The following CEP126 variants were observed in gnomAD, a reference collection of about 807,000 sequenced individuals.
CEP126 encodes centrosomal protein 126, also known as centrosomal protein of 126 kDa.
CEP126 carries 74 observed loss-of-function variants against 107.8 expected under a neutral mutation model. The observed-to-expected ratio is 0.69, with a 90% CI of 0.57 to 0.83. CEP126 has a LOEUF of 0.83. Ranked by LOEUF, CEP126 falls within the 40% of genes least tolerant of loss-of-function variation. The pLI is 0.00. For synonymous variants in CEP126, 449 were observed against 446.0 expected (o/e 1.01, Z -0.08); for missense variants, 1,237 against 1,281.9 (o/e 0.96, Z 0.53).
chr11:101,945,235 C>T (rs527365903), intron 3 of CEP126, among the ~76,000 whole-genome samples: 1 of 152,184 alleles, frequency 6.6e-6, no homozygotes, highest in South Asian at 2.1e-4. Context: ...TGACTTAAGT[C>T]GGATCTTAAC....
chr11:101,959,986 C>G (rs555768463), intron 5 of CEP126, among the ~76,000 whole-genome samples: 5 of 152,148 alleles, frequency 3.3e-5, no homozygotes, highest in African/African-American at 1.2e-4. Context: ...TTTAAAGAAA[C>G]CATCGCTGGA....
chr11:101,915,307 C>T lies in CEP126; in HGVS notation c.23C>T (p.Thr8Ile). The T allele has an allele frequency of 6.2e-7, 1 of 1,613,640 alleles. No individual in the cohort carries two copies. Among genetic ancestry groups the T allele is most frequent in the Non-Finnish European group, 8.5e-7 (1 of 1,179,932 alleles). ...AGGATGCTGGCGGGGAGGCCCGGAACCCGGAGCGCGGTCGGGGAACTGGGC... is the reference window on the plus strand; with the variant it reads ...AGGATGCTGGCGGGGAGGCCCGGAATCCGGAGCGCGGTCGGGGAACTGGGC... MLAGRPG[T>I]RSAVGELGTE... Residue 8 changes from threonine (T) to isoleucine (I), a missense_variant, in exon 1 of 11, where the codon ACC (threonine) becomes ATC (isoleucine). This residue lies in a region of CEP126 where 1,134 missense variants were observed against 1,150.5 expected (regional missense o/e 0.99). Coordinates refer to ENST00000263468, the MANE Select transcript of CEP126 (RefSeq NM_020802.4).
At chr11:101,932,550 ATAT>A (rs1940516505) in intron 2 of CEP126, among the ~76,000 whole-genome samples, 6 of 152,146 alleles carry the variant, frequency 3.9e-5, no homozygotes. Flanking sequence ...TCATTGCCAA[ATAT>A]TGCTGAATTG....
chr11:101,978,393 A>T lies in CEP126; in HGVS notation c.2892A>T (p.Arg964Ser). 6.2e-7 allele frequency: 1 copy of T among 1,613,736 alleles called. No individual in the cohort carries two copies. The highest frequency in any genetic ancestry group is 2.2e-5 in the East Asian group (1 of 44,788). Residue 964 changes from arginine (R) to serine (S), a missense_variant, in exon 7 of 11, where the codon AGA (arginine) becomes AGT (serine). By Grantham distance (110) the Arg-to-Ser change is moderately radical. Coordinates refer to ENST00000263468, the MANE Select transcript of CEP126 (RefSeq NM_020802.4). The stretch of plus-strand genomic sequence containing the variant: ...AACGAATTGCTGAAACTAAGCGGAG[A>T]AATATTTTAGAGCAGAAAAGACAAA... ...RRKRIAETKR[R>S]NILEQKRQNP...
At chr11:101,960,247 A>T (rs1940953556) in intron 5 of CEP126, among the ~76,000 whole-genome samples, 1 of 151,958 alleles carries the variant, frequency 6.6e-6, no homozygotes, top group African/African-American at 2.4e-5. Flanking sequence ...AATCTGAAGA[A>T]AAAAAAAGTA....
At chr11:101,932,006 A>G (rs776365241) in intron 2 of CEP126, among the ~76,000 whole-genome samples, 23 of 152,242 alleles carry the variant, frequency 1.5e-4, no homozygotes, top group Non-Finnish European at 3.2e-4. Context: ...AGACCCTTCG[A>G]AAGTTGCTAA....
intron 6 of CEP126, among the ~76,000 whole-genome samples, chr11:101,975,510 C>T (rs1424213485): frequency 5.9e-5 from 9 of 152,196 alleles, no homozygotes; most frequent in Admixed American, 5.9e-4. Flanking sequence ...AGCTTTGCCC[C>T]TTACTGGCTC....
rs754887245 is a variant in CEP126, at chr11:101,962,493, T to G, written c.1458T>G (p.Asp486Glu). The G allele has an allele frequency of 2.5e-5, 41 of 1,612,974 alleles. No individual in the cohort carries two copies. The South Asian group carries it at 4.5e-4, about 18-fold the overall frequency. The change falls in exon 6 of 11, where the codon GAT becomes GAG. Residue 486 changes from aspartate to glutamate, a missense_variant. Coordinates refer to ENST00000263468, the MANE Select transcript of CEP126 (RefSeq NM_020802.4). Reference sequence around the variant, plus strand: ...ACAGTATACACATAAAAGAAATTGATGCAGTGCAGTGTTCTGATAAGTTAG... The same window carrying G: ...ACAGTATACACATAAAAGAAATTGAGGCAGTGCAGTGTTCTGATAAGTTAG... ...AKNSIHIKEI[D>E]AVQCSDKLDE...
In CEP126 at chr11:101,963,736, C is replaced by G; in HGVS notation, c.2701C>G (p.Gln901Glu). The G allele has an allele frequency of 6.2e-7, 1 of 1,613,998 alleles. No homozygotes were observed. The highest frequency in any genetic ancestry group is 1.1e-5 in the South Asian group (1 of 91,080). Residue 901 changes from glutamine to glutamate, a missense_variant, in exon 6 of 11, where the codon CAA becomes GAA. Transcript: ENST00000263468. ...HSNGTQAVARQDATLYCTQRS... is the reference protein window; with the variant it reads ...HSNGTQAVAREDATLYCTQRS... The stretch of plus-strand genomic sequence containing the variant: ...AAATGGCACTCAAGCAGTTGCCCGG[C>G]AAGATGCGACATTATATTGCACCCA...
chr11:101,953,897 T>C (rs1246862423), intron 4 of CEP126, among the ~76,000 whole-genome samples: 1 of 152,156 alleles, frequency 6.6e-6, no homozygotes, highest in Non-Finnish European at 1.5e-5. Context: ...TTTAGACTAA[T>C]TTTAAAAATT....
chr11:101,920,342 C>A lies in CEP126; in HGVS notation c.129-2299C>A, dbSNP rs963156014. On this transcript the variant is annotated intron_variant, in intron 1 of 10. Coordinates refer to ENST00000263468, the MANE Select transcript of CEP126 (RefSeq NM_020802.4). ...ACATGTTGAATTAACAAATTATGTA[C>A]CGCATAGTTTATTATTGAGTGTATT... Among the ~76,000 whole-genome samples the A allele has an allele frequency of 2.0e-5, 3 of 152,146 alleles. No homozygotes were observed. In the South Asian group the frequency reaches 6.2e-4, roughly 32 times the overall value.
intron 3 of CEP126, among the ~76,000 whole-genome samples, chr11:101,946,609 C>A (rs1940740249): frequency 6.6e-6 from 1 of 151,940 alleles, no homozygotes; most frequent in Non-Finnish European, 1.5e-5. Flanking sequence ...ACCTGTAATC[C>A]CAGCACTTTG....
chr11:101,930,861 T>G (rs1419157146), intron 2 of CEP126, among the ~76,000 whole-genome samples: 1 of 152,196 alleles, frequency 6.6e-6, no homozygotes, highest in Non-Finnish European at 1.5e-5. Context: ...TGGTTGAATC[T>G]GTAGATATGG....
chr11:101,993,957 G>A (rs1941414306), intron 10 of CEP126, among the ~76,000 whole-genome samples: 1 of 152,138 alleles, frequency 6.6e-6, no homozygotes. Context: ...TATTAGGCCA[G>A]GCATGGTGGC....
chr11:101,935,716 A>T (rs1220298636), intron 2 of CEP126, among the ~76,000 whole-genome samples: 1 of 152,078 alleles, frequency 6.6e-6, no homozygotes, highest in Non-Finnish European at 1.5e-5. Flanking sequence ...TTATTGTAGC[A>T]TTATAGCAGG....
chr11:101,966,148 T>G (rs1941054856), intron 6 of CEP126, among the ~76,000 whole-genome samples: 1 of 152,204 alleles, frequency 6.6e-6, no homozygotes, highest in Non-Finnish European at 1.5e-5. Flanking sequence ...TTTAACATTC[T>G]TAAATGTTCT....
chr11:101,923,907 A>T (rs1278220724), intron 2 of CEP126, among the ~76,000 whole-genome samples: 1 of 152,096 alleles, frequency 6.6e-6, no homozygotes, highest in Non-Finnish European at 1.5e-5. Flanking sequence ...GTAGAGCAGA[A>T]AGGGTAGAAA....
chr11:101,972,495 T>C (rs1226357413), intron 6 of CEP126, among the ~76,000 whole-genome samples: 1 of 150,668 alleles, frequency 6.6e-6, no homozygotes, highest in Non-Finnish European at 1.5e-5. Flanking sequence ...GTTACAGACA[T>C]GAACACCATG....
rs187759059 is a variant in CEP126 at position 101,971,749 on chromosome 11, A to C, written c.2846-6598A>C. ...ACATAGAAAAGAATGTATGTGACAT[A>C]TAAGAACAAGTTAAGACTGATAATA... On this transcript the variant is annotated intron_variant, in intron 6 of 10. Coordinates refer to ENST00000263468, the MANE Select transcript of CEP126 (RefSeq NM_020802.4). Among the ~76,000 whole-genome samples, 10 of 152,328 alleles carry C rather than the reference A, an allele frequency of 6.6e-5. No individual in the cohort carries two copies. The East Asian group carries it at 1.9e-3, about 29-fold the overall frequency.
Sources: allele counts gnomAD v4.1 joint callset (sites outside exome capture counted in the v4.1 genomes callset), GRCh38; gene constraint gnomAD v4.1.1; regional missense constraint gnomAD v4.1.1; transcripts MANE v1.5; gene names NCBI Gene and HGNC (gene_info 2026-07-23, HGNC 2026-07-21).